Variants in PCDHA2 observed in about 807,000 individuals in gnomAD.
The protein encoded by PCDHA2 is protocadherin alpha-2.
PCDHA2 carries 58 observed loss-of-function variants against 66.0 expected under a neutral mutation model. The observed-to-expected ratio is 0.88, with a 90% CI of 0.71 to 1.09. PCDHA2 has a LOEUF of 1.09. Ranked by LOEUF, PCDHA2 falls within the 50% of genes least tolerant of loss-of-function variation. The pLI is 0.00. For synonymous variants in PCDHA2, 634 were observed against 554.0 expected (o/e 1.14, Z -2.03); for missense variants, 1,267 against 1,242.3 (o/e 1.02, Z -0.30).
chr5:140,828,767 G>A, intron 1 of PCDHA2: 1 of 1,614,200 alleles, frequency 6.2e-7, no homozygotes, highest in Non-Finnish European at 8.5e-7. Flanking sequence ...CACAGGCACT[G>A]TTCAGCTGCT....
chr5:141,007,393 T>C (rs1485010105), intron 3 of PCDHA2, among the ~76,000 whole-genome samples: 2 of 23,410 alleles, frequency 8.5e-5, no homozygotes, highest in African/African-American at 2.3e-4. Context: ...TCTACTAAAA[T>C]ACAAAAAAAA....
chr5:140,862,977 T>A, intron 1 of PCDHA2: 1 of 545,432 alleles, frequency 1.8e-6, no homozygotes, highest in East Asian at 4.8e-5. Context: ...GGCCACTTGG[T>A]GGCGAAGGTG....
intron 1 of PCDHA2, among the ~76,000 whole-genome samples, chr5:140,879,144 G>A (rs1309421547): frequency 6.6e-6 from 1 of 152,168 alleles, no homozygotes; most frequent in Non-Finnish European, 1.5e-5. Context: ...TGTGAAGGCA[G>A]GAAAGCTATT....
At chr5:140,932,312 T>C (rs2088188856) in intron 1 of PCDHA2, among the ~76,000 whole-genome samples, 1 of 151,922 alleles carries the variant, frequency 6.6e-6, no homozygotes, top group Admixed American at 6.6e-5. Context: ...GGTATAAATA[T>C]ATTAATGTAG....
At chr5:140,965,851 A>C (rs1257954575) in intron 1 of PCDHA2, among the ~76,000 whole-genome samples, 1 of 152,252 alleles carries the variant, frequency 6.6e-6, no homozygotes, top group Non-Finnish European at 1.5e-5. Flanking sequence ...GCCAAGGCAC[A>C]CACTGAAAAT....
chr5:140,860,505 A>T (rs2046425472), intron 1 of PCDHA2: 1 of 152,218 alleles, frequency 6.6e-6, no homozygotes, highest in African/African-American at 2.4e-5. Flanking sequence ...TACATACAAG[A>T]TAAAACTCTT....
rs370111655 is a variant in PCDHA2, at chr5:140,902,185, TTCTC to T, written c.2389-76752_2389-76749del. Reference sequence around the variant, plus strand: ...TTCTAATTTGGATGTCCTTTATGTCTTCTCTCTCTCTCTCTTTCTTTTTTTTTTT... The same window carrying T: ...TTCTAATTTGGATGTCCTTTATGTCTTCTCTCTCTCTTTCTTTTTTTTTTT... On this transcript the variant is annotated intron_variant, in intron 1 of 3. Coordinates refer to ENST00000526136, the MANE Select transcript of PCDHA2 (RefSeq NM_018905.3). Among the ~76,000 whole-genome samples, 704 of 150,894 alleles carry T rather than the reference TTCTC, an allele frequency of 4.7e-3. 6 individuals carry two copies. Among genetic ancestry groups the T allele is most frequent in the African/African-American group, 0.015 (608 of 41,076 alleles).
In PCDHA2 at chr5:141,010,434, A is replaced by G; in HGVS notation, c.*497A>G. 9.7e-7 allele frequency: 1 copy of G among 1,031,156 alleles called. No homozygotes were observed. Among genetic ancestry groups the G allele is most frequent in the Non-Finnish European group, 1.4e-6 (1 of 732,962 alleles). 63.9% of individuals were successfully genotyped at this position (1,031,156 alleles called of 1,614,324 possible). A position where few individuals can be genotyped will look rare whatever the true frequency, so the allele number is the denominator to read the frequency against. ...TTGGTACAAGGAAGGCAAGAAAACA[A>G]AGACAAATAAACAGCGGAAGTTATC... On this transcript the variant is annotated 3_prime_UTR_variant, in exon 4 of 4. Transcript: ENST00000526136.
At chr5:140,842,951 C>T in intron 1 of PCDHA2, 2 of 1,594,846 alleles carry the variant, frequency 1.3e-6, no homozygotes, top group Non-Finnish European at 1.7e-6. Context: ...GGGCGTGCCG[C>T]CTCTGGGCAG....
At chr5:140,812,664 T>G (rs1554126035) in intron 1 of PCDHA2, 2 of 152,192 alleles carry the variant, frequency 1.3e-5, no homozygotes, top group Non-Finnish European at 2.9e-5. Context: ...CTCACTATGA[T>G]GTACAGAGGC....
At chr5:140,831,682 G>T (rs2150196752) in intron 1 of PCDHA2, among the ~76,000 whole-genome samples, 1 of 152,150 alleles carries the variant, frequency 6.6e-6, no homozygotes, top group African/African-American at 2.4e-5. Flanking sequence ...TTCTTTGAAT[G>T]AAAAGCAGCA....
chr5:140,974,328 C>G (rs2096623040), intron 1 of PCDHA2, among the ~76,000 whole-genome samples: 1 of 152,198 alleles, frequency 6.6e-6, no homozygotes, highest in Admixed American at 6.5e-5. Flanking sequence ...AGCTGCTGTG[C>G]TAGCAGGCTA....
chr5:140,843,891 A>G (rs1554140482), intron 1 of PCDHA2: 1 of 685,390 alleles, frequency 1.5e-6, no homozygotes, highest in Non-Finnish European at 2.4e-6. Context: ...TACAGTATTA[A>G]TCATTCTCCA....
At chr5:140,906,757 A>G (rs554698266) in intron 1 of PCDHA2, among the ~76,000 whole-genome samples, 2 of 152,346 alleles carry the variant, frequency 1.3e-5, no homozygotes, top group South Asian at 4.1e-4. Flanking sequence ...GCATGGTAAT[A>G]CTAAGAGACA....
At chr5:140,998,850 A>G (rs904977478) in intron 3 of PCDHA2, among the ~76,000 whole-genome samples, 18 of 152,234 alleles carry the variant, frequency 1.2e-4, no homozygotes, top group Non-Finnish European at 2.1e-4. Context: ...GGTGTGAGCC[A>G]CATGCCTGGC....
rs531996502 is a variant in PCDHA2, at chr5:140,944,251, G to A, written c.2389-34698G>A. Among the ~76,000 whole-genome samples the A allele has an allele frequency of 2.2e-4, 33 of 152,302 alleles. No individual in the cohort carries two copies. In the South Asian group the frequency reaches 6.8e-3, roughly 32 times the overall value. On this transcript the variant is annotated intron_variant, in intron 1 of 3. Transcript: ENST00000526136. ...CGCTCAGGCTGGAGTGCAGTGATGT[G>A]ATCACTGCTCACTGCAGCCTTGACA...
Position 140,852,095 on chromosome 5 carries a change from A to T in PCDHA2, c.2388+54743A>T. The stretch of plus-strand genomic sequence containing the variant: ...CAGCTATTTTATTTAATATTGTGTC[A>T]GATATTTTACAAGGTATGACCTAAT... On this transcript the variant is annotated intron_variant, in intron 1 of 3. Transcript: ENST00000526136. 16 of 908,222 alleles carry T rather than the reference A, an allele frequency of 1.8e-5. 1 individual carries two copies. Among genetic ancestry groups the T allele is most frequent in the Non-Finnish European group, 2.1e-5 (16 of 745,934 alleles). The allele number at this position is 908,222 out of a possible 1,614,324, so 56.3% of individuals were successfully genotyped here.
chr5:140,979,898 G>A (rs1253481087), intron 2 of PCDHA2, among the ~76,000 whole-genome samples: 2 of 152,212 alleles, frequency 1.3e-5, no homozygotes, highest in Non-Finnish European at 1.5e-5. Context: ...ACCAAACTTA[G>A]ATCAGTTCGT....
At position 140,827,869 on chromosome 5, in the gene PCDHA2, C is replaced by T; in HGVS notation, c.2388+30517C>T. ...TGTTTTAAAAATATATGGTATAGCA[C>T]TGTTACGTGAATTGATTTCTTACCT... On this transcript the variant is annotated intron_variant, in intron 1 of 3. Coordinates refer to ENST00000526136, the MANE Select transcript of PCDHA2 (RefSeq NM_018905.3). 8.0e-6 allele frequency: 5 copies of T among 625,262 alleles called. No individual in the cohort carries two copies. In the South Asian group the frequency reaches 8.1e-5, roughly 10 times the overall value. The allele number at this position is 625,262 out of a possible 1,614,324, so 38.7% of individuals were successfully genotyped here.
Sources: allele counts gnomAD v4.1 joint callset (sites outside exome capture counted in the v4.1 genomes callset), GRCh38; gene constraint gnomAD v4.1.1; transcripts MANE v1.5; gene names NCBI Gene and HGNC (gene_info 2026-07-23, HGNC 2026-07-21).